The following PCDH15 variants were observed in gnomAD, a reference collection of about 807,000 sequenced individuals.
The protein encoded by PCDH15 is protocadherin-15.
In PCDH15, 129 loss-of-function variants were observed where a neutral mutation model predicts 178.5. The observed-to-expected ratio is 0.72, with a 90% CI of 0.63 to 0.84. The LOEUF is 0.84. PCDH15 is among the 40% of genes least tolerant of loss of function. PCDH15 has a pLI of 0.00. For synonymous variants in PCDH15, 800 were observed against 732.0 expected, an observed-to-expected ratio of 1.09 and a Z score of -1.50; for missense variants, 2,230 against 2,099.9, an observed-to-expected ratio of 1.06 and a Z score of -1.21.
chr10:55,327,372 A>C (rs1046095744), intron 2 of PCDH15, among the ~76,000 whole-genome samples: 1 of 152,094 alleles, frequency 6.6e-6, no homozygotes, highest in Non-Finnish European at 1.5e-5. Flanking sequence ...GAATGAAATA[A>C]TATAGACCCA....
At chr10:55,253,299 A>G (rs59738710) in intron 1 of PCDH15, among the ~76,000 whole-genome samples, 165 of 152,006 alleles carry the variant, frequency 1.1e-3, no homozygotes, top group African/African-American at 3.9e-3. Context: ...AAGTTTAACC[A>G]AACCAAATAT....
At chr10:54,024,097 T>C (rs1214405001) in intron 18 of PCDH15, among the ~76,000 whole-genome samples, 1 of 152,148 alleles carries the variant, frequency 6.6e-6, no homozygotes, top group African/African-American at 2.4e-5. Context: ...TACTGAAAAT[T>C]TGAAGTCATG....
At chr10:55,561,661 T>G (rs1232838757) in intron 2 of PCDH15, among the ~76,000 whole-genome samples, 1 of 151,768 alleles carries the variant, frequency 6.6e-6, no homozygotes, top group Non-Finnish European at 1.5e-5. Context: ...GACAAACATC[T>G]TACCTGGTAC....
chr10:55,091,743 A>T (rs1842323062), intron 2 of PCDH15, among the ~76,000 whole-genome samples: 1 of 151,950 alleles, frequency 6.6e-6, no homozygotes, highest in African/African-American at 2.4e-5. Context: ...TCCTAGGGAT[A>T]CCAGCCAACA....
At chr10:55,618,010 A>C (rs1467612851) in intron 2 of PCDH15, among the ~76,000 whole-genome samples, 1 of 152,086 alleles carries the variant, frequency 6.6e-6, no homozygotes, top group Admixed American at 6.6e-5. Context: ...TCAAGATAAA[A>C]TATAGTGTTT....
intron 1 of PCDH15, among the ~76,000 whole-genome samples, chr10:55,213,792 T>G (rs962129447): frequency 4.0e-5 from 6 of 151,880 alleles, no homozygotes; most frequent in African/African-American, 1.5e-4. Context: ...TTTTATTATC[T>G]TCTATCATAA....
At chr10:53,858,162 C>T (rs759798212) in intron 27 of PCDH15, among the ~76,000 whole-genome samples, 1 of 152,084 alleles carries the variant, frequency 6.6e-6, no homozygotes, top group Non-Finnish European at 1.5e-5. Flanking sequence ...TACATTTATA[C>T]ACTATTAAAA....
intron 1 of PCDH15, among the ~76,000 whole-genome samples, chr10:55,202,119 A>C (rs1394818121): frequency 6.6e-6 from 1 of 152,112 alleles, no homozygotes; most frequent in Admixed American, 6.5e-5. Context: ...AAAGATAGAA[A>C]AATTTTGAAC....
intron 27 of PCDH15, among the ~76,000 whole-genome samples, chr10:53,859,027 C>A (rs1274847467): frequency 6.6e-6 from 1 of 151,586 alleles, no homozygotes; most frequent in African/African-American, 2.4e-5. Flanking sequence ...TCTTCCTTCC[C>A]TCTCCTCCTT....
rs552559615 is a variant in PCDH15 at position 55,292,373 on chromosome 10, T to C, written c.-156+27226A>G. On this transcript the variant is annotated intron_variant, in intron 1 of 5. Coordinates refer to the PCDH15 transcript ENST00000458638. Reference sequence around the variant, plus strand: ...CAGTCAAATCTTATTTTATATTTTATTTTATTTTATTTCATGTTGTTTTTT... The same window carrying C: ...CAGTCAAATCTTATTTTATATTTTACTTTATTTTATTTCATGTTGTTTTTT... 5.1e-4 allele frequency among the ~76,000 whole-genome samples: 78 copies of C among 152,216 alleles called. 1 individual carries two copies. Among genetic ancestry groups the C allele is most frequent in the Admixed American group, 1.4e-3 (22 of 15,286 alleles).
intron 21 of PCDH15, among the ~76,000 whole-genome samples, chr10:53,984,140 T>A (rs930331366): frequency 8.4e-5 from 8 of 94,726 alleles, no homozygotes; most frequent in African/African-American, 2.5e-4. Flanking sequence ...TTTTTTCTTT[T>A]TTCTTTTCTT....
chr10:53,853,454 A>G (rs1218198750), intron 28 of PCDH15, among the ~76,000 whole-genome samples: 3 of 152,114 alleles, frequency 2.0e-5, no homozygotes, highest in Non-Finnish European at 4.4e-5. Flanking sequence ...TTGCCCAATT[A>G]GTGACACAAT....
At chr10:53,959,162 ATGTGTATATATAG>A (rs886401012) in intron 23 of PCDH15, among the ~76,000 whole-genome samples, 4 of 148,296 alleles carry the variant, frequency 2.7e-5, no homozygotes, top group Non-Finnish European at 5.9e-5. Flanking sequence ...TGTATTATAT[ATGTGTATATATAG>A]TGTGTATATA....
intron 9 of PCDH15, among the ~76,000 whole-genome samples, chr10:54,227,344 C>T (rs947136947): frequency 5.9e-5 from 9 of 152,216 alleles, no homozygotes; most frequent in African/African-American, 2.2e-4. Context: ...GTGGAAGCTG[C>T]TGAAGCTTGG....
At chr10:54,392,286 G>A (rs1273176903) in intron 3 of PCDH15, among the ~76,000 whole-genome samples, 1 of 88 alleles carries the variant, frequency 0.011, no homozygotes, top group East Asian at 0.5. Flanking sequence ...TCAACATGGC[G>A]AAACCCATCT....
chr10:54,807,047 C>G (rs778938508), intron 3 of PCDH15, among the ~76,000 whole-genome samples: 1 of 152,130 alleles, frequency 6.6e-6, no homozygotes, highest in African/African-American at 2.4e-5. Flanking sequence ...CTCCTGCACT[C>G]AGAGGGAAAG....
At chr10:53,913,578 C>A (rs79029122) in intron 25 of PCDH15, among the ~76,000 whole-genome samples, 3 of 142,520 alleles carry the variant, frequency 2.1e-5, no homozygotes, top group Non-Finnish European at 3.1e-5. Context: ...CTAAAAGATA[C>A]AAAAAAAAAA....
chr10:55,583,472 T>C (rs994738916), intron 2 of PCDH15, among the ~76,000 whole-genome samples: 5 of 152,190 alleles, frequency 3.3e-5, no homozygotes, highest in Admixed American at 3.3e-4. Flanking sequence ...CTCACTCTGT[T>C]GCCCAGGCTG....
At chr10:55,598,551 T>TAGATAG (rs1329668069) in intron 2 of PCDH15, among the ~76,000 whole-genome samples, 4 of 64,912 alleles carry the variant, frequency 6.2e-5, no homozygotes, top group African/African-American at 2.3e-4. Flanking sequence ...TATATATATA[T>TAGATAG]ATATATATAT....
Sources: gnomAD v4.1 joint callset for allele counts (sites outside exome capture counted in the v4.1 genomes callset) on GRCh38, gnomAD v4.1.1 for gene constraint, MANE v1.5 for transcripts, NCBI Gene and HGNC (gene_info 2026-07-23, HGNC 2026-07-21) for gene names.